ZMYND11: variants seen among roughly 807,000 people sequenced by gnomAD.
ZMYND11 encodes zinc finger MYND-type containing 11, also known as zinc finger MYND domain-containing protein 11.
Under a neutral mutation model 84.9 loss-of-function variants are expected in ZMYND11, and 9 were observed. The ratio of observed to expected loss-of-function variants is 0.11; its 90% CI spans 0.06 to 0.18. The LOEUF is 0.18. ZMYND11 is among the 10% of genes least tolerant of loss of function. The pLI, the probability that ZMYND11 is intolerant of heterozygous loss-of-function variation, is 1.00. For synonymous variants in ZMYND11, 250 were observed against 244.1 expected, an observed-to-expected ratio of 1.02 and a Z score of -0.23; for missense variants, 409 against 761.0, an observed-to-expected ratio of 0.54 and a Z score of 5.44.
At chr10:175,764 T>C (rs139875997) in intron 1 of ZMYND11, among the ~76,000 whole-genome samples, 74 of 152,202 alleles carry the variant, frequency 4.9e-4, no homozygotes, top group Non-Finnish European at 1.0e-3. Context: ...AAAATTAATA[T>C]ATAAATGGGA....
intron 1 of ZMYND11, among the ~76,000 whole-genome samples, chr10:144,788 T>A (rs1838348552): frequency 1.3e-5 from 2 of 149,850 alleles, no homozygotes; most frequent in Admixed American, 6.7e-5. Context: ...TACAAGTGGT[T>A]TTTGGTTACA....
At chr10:202,263 C>G (rs879578891) in intron 2 of ZMYND11, among the ~76,000 whole-genome samples, 1 of 152,078 alleles carries the variant, frequency 6.6e-6, no homozygotes, top group Non-Finnish European at 1.5e-5. Context: ...AGTGTTCTGG[C>G]TCGGTTCTAA....
At chr10:173,658 A>G (rs1459519466) in intron 1 of ZMYND11, among the ~76,000 whole-genome samples, 5 of 152,116 alleles carry the variant, frequency 3.3e-5, no homozygotes, top group African/African-American at 1.2e-4. Context: ...ATTTGAGGTT[A>G]TAGTTAGCTT....
At chr10:180,634 C>T (rs1418624411) in intron 2 of ZMYND11, among the ~76,000 whole-genome samples, 3 of 152,156 alleles carry the variant, frequency 2.0e-5, no homozygotes, top group Non-Finnish European at 2.9e-5. Context: ...CTCCTGACCT[C>T]GTGATTCGCC....
intron 9 of ZMYND11, among the ~76,000 whole-genome samples, chr10:241,802 C>G (rs1416002775): frequency 6.6e-6 from 1 of 152,134 alleles, no homozygotes; most frequent in Non-Finnish European, 1.5e-5. Context: ...GATGGCCTTG[C>G]TCCAGTCCCG....
chr10:150,631 G>T (rs996825346), intron 1 of ZMYND11, among the ~76,000 whole-genome samples: 1 of 152,226 alleles, frequency 6.6e-6, no homozygotes, highest in African/African-American at 2.4e-5. Flanking sequence ...AAGGAGGCCT[G>T]CCTGCCTCTG....
intron 1 of ZMYND11, among the ~76,000 whole-genome samples, chr10:165,704 T>C (rs1210799410): frequency 8.6e-5 from 13 of 151,812 alleles, no homozygotes; most frequent in Non-Finnish European, 1.5e-4. Context: ...TGTGATATTT[T>C]TTCCTCATTC....
At chr10:154,481 CAAG>C (rs1554758095) in intron 1 of ZMYND11, among the ~76,000 whole-genome samples, 6 of 152,076 alleles carry the variant, frequency 3.9e-5, no homozygotes, top group Admixed American at 3.3e-4. Context: ...AGAATTGAAA[CAAG>C]AAGGCAGAGC....
rs2130841431 is a variant in ZMYND11, at chr10:187,071, T to C, written c.116+6943T>C. On this transcript the variant is annotated intron_variant, in intron 2 of 14. Coordinates refer to ENST00000381604, the MANE Select transcript of ZMYND11 (RefSeq NM_001370100.5). ...ATTGAGACCCTATCTCTACAAAAAA[T>C]CTGAAAAATTAGCCAAGCATGGTGG... Among the ~76,000 whole-genome samples, 3 of 151,880 alleles carry C rather than the reference T, an allele frequency of 2.0e-5. 1 individual carries two copies. In the South Asian group the frequency reaches 6.3e-4, roughly 32 times the overall value.
upstream of ZMYND11, among the ~76,000 whole-genome samples, chr10:132,584 C>T (rs1835338174): frequency 6.6e-6 from 1 of 152,184 alleles, no homozygotes; most frequent in South Asian, 2.1e-4. Flanking sequence ...CCATCTGCAG[C>T]AGTCCACACT....
intron 2 of ZMYND11, among the ~76,000 whole-genome samples, chr10:201,720 C>T (rs1188373854): frequency 6.6e-6 from 1 of 151,654 alleles, no homozygotes; most frequent in Non-Finnish European, 1.5e-5. Context: ...AAGCTCGCAC[C>T]CTGGGAGAGA....
chr10:180,385 A>G (rs1330679850), intron 2 of ZMYND11, among the ~76,000 whole-genome samples: 1 of 152,136 alleles, frequency 6.6e-6, no homozygotes, highest in Non-Finnish European at 1.5e-5. Context: ...AGTTAACCAA[A>G]TTTTTAACTC....
intron 2 of ZMYND11, among the ~76,000 whole-genome samples, chr10:204,472 A>G (rs1045294370): frequency 6.6e-6 from 1 of 152,186 alleles, no homozygotes; most frequent in Admixed American, 6.5e-5. Context: ...GTTTGTACCC[A>G]AAGAATTTAT....
intron 1 of ZMYND11, among the ~76,000 whole-genome samples, chr10:162,835 C>T (rs118098601): frequency 3.0e-4 from 46 of 152,240 alleles, no homozygotes; most frequent in East Asian, 9.7e-4. Context: ...GGCAGTTGCT[C>T]AGTTTCATGT....
At chr10:205,444 C>G (rs1389632655) in intron 2 of ZMYND11, among the ~76,000 whole-genome samples, 3 of 152,088 alleles carry the variant, frequency 2.0e-5, no homozygotes, top group Non-Finnish European at 4.4e-5. Context: ...AATCCTAGCA[C>G]TTTGAGAGGC....
At chr10:203,067 CATTTTAT>C (rs1943518483) in intron 2 of ZMYND11, among the ~76,000 whole-genome samples, 1 of 152,020 alleles carries the variant, frequency 6.6e-6, no homozygotes, top group Non-Finnish European at 1.5e-5. Context: ...TTATATTTAT[CATTTTAT>C]ATTTATAAGA....
chr10:202,078 T>C (rs971506621), intron 2 of ZMYND11, among the ~76,000 whole-genome samples: 9 of 152,214 alleles, frequency 5.9e-5, no homozygotes, highest in Non-Finnish European at 8.8e-5. Context: ...GCCTGAGTAC[T>C]TGATGATCTA....
At chr10:199,440 CATT>C (rs1474440225) in intron 2 of ZMYND11, among the ~76,000 whole-genome samples, 2 of 151,790 alleles carry the variant, frequency 1.3e-5, no homozygotes. Context: ...TTTCTCATAC[CATT>C]GTTGTTTTTC....
rs1220716166 is a variant in ZMYND11 at position 206,540 on chromosome 10, T to G, written c.117-3349T>G. 4.6e-5 allele frequency among the ~76,000 whole-genome samples: 7 copies of G among 152,226 alleles called. No homozygotes were observed. In the East Asian group the frequency reaches 1.3e-3, roughly 29 times the overall value. On this transcript the variant is annotated intron_variant, in intron 2 of 14. Coordinates refer to ENST00000381604, the MANE Select transcript of ZMYND11 (RefSeq NM_001370100.5). ...TTGTTTGCATTATAACTATGCTCTG[T>G]CTTTTTTAAGAATGATTTTTGCCTT...
Sources: gnomAD v4.1 joint callset for allele counts (sites outside exome capture counted in the v4.1 genomes callset) on GRCh38, gnomAD v4.1.1 for gene constraint, MANE v1.5 for transcripts, NCBI Gene and HGNC (gene_info 2026-07-23, HGNC 2026-07-21) for gene names.